Variants in SLC39A9 observed in about 807,000 individuals in gnomAD.
SLC39A9 encodes the protein zinc transporter ZIP9.
SLC39A9 carries 14 observed loss-of-function variants against 28.4 expected under a neutral mutation model. That is an observed-to-expected ratio of 0.49 (90% CI 0.33 to 0.77). The LOEUF (loss-of-function observed/expected upper bound fraction) is 0.77, where lower values mean the gene tolerates loss of function less well. Ranked by LOEUF, SLC39A9 falls within the 30% of genes least tolerant of loss-of-function variation. SLC39A9 has a pLI of 0.02. For missense variants in SLC39A9, 283 were observed against 381.1 expected (o/e 0.74, Z 2.14); for synonymous variants, 119 against 149.6 (o/e 0.80, Z 1.49).
chr14:69,433,134 A>G (rs1260967743), intron 2 of SLC39A9, among the ~76,000 whole-genome samples: 1 of 152,144 alleles, frequency 6.6e-6, no homozygotes, highest in African/African-American at 2.4e-5. Flanking sequence ...TGGCCATTTT[A>G]ATGATATAAG....
rs529828475 is a variant in SLC39A9 at position 69,462,122 on chromosome 14, C to T, written c.*3529C>T. 17 of 161,362 alleles carry T rather than the reference C, an allele frequency of 1.1e-4. No homozygotes were observed. The highest frequency in any genetic ancestry group is 2.9e-3 in the Middle Eastern group (1 of 350). 10.0% of individuals were successfully genotyped at this position (161,362 alleles called of 1,614,324 possible). A position where few individuals can be genotyped will look rare whatever the true frequency, so the allele number is the denominator to read the frequency against. On this transcript the variant is annotated 3_prime_UTR_variant, in exon 7 of 7. Transcript: ENST00000336643. ...AATTCTCTAGATATACTCAGCCTAA[C>T]CCAGTGGCTTAACACAAGGAGATTG...
intron 1 of SLC39A9, among the ~76,000 whole-genome samples, chr14:69,406,060 T>C (rs1443888117): frequency 6.6e-6 from 1 of 152,154 alleles, no homozygotes; most frequent in African/African-American, 2.4e-5. Flanking sequence ...AATGTTGCCT[T>C]TCCTAATGAA....
chr14:69,420,492 C>T lies in SLC39A9; in HGVS notation c.97-3602C>T, dbSNP rs931705746. On this transcript the variant is annotated intron_variant, in intron 1 of 6. Coordinates refer to ENST00000336643, the MANE Select transcript of SLC39A9 (RefSeq NM_018375.5). The stretch of plus-strand genomic sequence containing the variant: ...TTATGTGTCCTGGGGTTGCTCTTCT[C>T]GAGGAGTATCTTTGTGGTATTCTCT... Among the ~76,000 whole-genome samples the T allele has an allele frequency of 2.6e-5, 4 of 152,060 alleles. No individual in the cohort carries two copies. In the East Asian group the frequency reaches 5.8e-4, roughly 22 times the overall value.
rs181727497 is a variant in SLC39A9, at chr14:69,461,527, A to G, written c.*2934A>G. ...CCCGCTTTCACCTCTTTCTTTCCCAATTCAAAACAGCCAAGTGAGCCCTGT... is the reference window on the plus strand; with the variant it reads ...CCCGCTTTCACCTCTTTCTTTCCCAGTTCAAAACAGCCAAGTGAGCCCTGT... On this transcript the variant is annotated 3_prime_UTR_variant, in exon 7 of 7. Coordinates refer to ENST00000336643, the MANE Select transcript of SLC39A9 (RefSeq NM_018375.5). The G allele has an allele frequency of 2.2e-5, 32 of 1,446,856 alleles. No homozygotes were observed. In the African/African-American group the frequency reaches 3.6e-4, roughly 16 times the overall value. The allele number at this position is 1,446,856 out of a possible 1,614,324, so 89.6% of individuals were successfully genotyped here.
chr14:69,416,847 A>G (rs932554889), intron 1 of SLC39A9, among the ~76,000 whole-genome samples: 4 of 152,064 alleles, frequency 2.6e-5, no homozygotes, highest in Non-Finnish European at 5.9e-5. Context: ...AATTTGTTTA[A>G]GTTCTTTGTA....
intron 3 of SLC39A9, among the ~76,000 whole-genome samples, chr14:69,442,822 A>T (rs896055407): frequency 2.0e-5 from 3 of 152,222 alleles, no homozygotes; most frequent in African/African-American, 7.2e-5. Context: ...TAAGAACATT[A>T]AATTATGAGG....
At position 69,453,800 on chromosome 14, in the gene SLC39A9, T is replaced by C. The variant is rs140504744; in HGVS notation, c.472+491T>C. Among the ~76,000 whole-genome samples the C allele has an allele frequency of 3.3e-4, 50 of 152,336 alleles. No individual in the cohort carries two copies. In the East Asian group the frequency reaches 6.0e-3, roughly 18 times the overall value. On this transcript the variant is annotated intron_variant, in intron 4 of 6. Transcript: ENST00000336643. Reference sequence around the variant, plus strand: ...AAGTTGCAGGAGGCTGAGGAAGAGATAGACAATGACAATGATCCATCTCTT... The same window carrying C: ...AAGTTGCAGGAGGCTGAGGAAGAGACAGACAATGACAATGATCCATCTCTT...
At chr14:69,406,853 T>TTG (rs1293835195) in intron 1 of SLC39A9, among the ~76,000 whole-genome samples, 3 of 135,802 alleles carry the variant, frequency 2.2e-5, no homozygotes, top group Non-Finnish European at 3.2e-5. Flanking sequence ...TCTTTGTTTT[T>TTG]TTTTTTTTTT....
At chr14:69,454,938 T>C in intron 5 of SLC39A9, 41 bp downstream of exon 5, 1 of 1,483,196 alleles carries the variant, frequency 6.7e-7, no homozygotes, top group Non-Finnish European at 9.3e-7. Flanking sequence ...TTGAGTGTAT[T>C]CATAATTAAA....
At chr14:69,412,767 G>T (rs1341775713) in intron 1 of SLC39A9, among the ~76,000 whole-genome samples, 1 of 152,118 alleles carries the variant, frequency 6.6e-6, no homozygotes, top group Non-Finnish European at 1.5e-5. Context: ...GTGGGGAAGG[G>T]GTTACAGGGA....
At chr14:69,447,786 G>A (rs896221859) in intron 3 of SLC39A9, among the ~76,000 whole-genome samples, 4 of 151,768 alleles carry the variant, frequency 2.6e-5, no homozygotes, top group Admixed American at 1.3e-4. Context: ...GGTGACCTGC[G>A]CTTGTACTCC....
At chr14:69,445,181 A>G (rs1318712521) in intron 3 of SLC39A9, among the ~76,000 whole-genome samples, 2 of 152,140 alleles carry the variant, frequency 1.3e-5, no homozygotes, top group East Asian at 1.9e-4. Context: ...GAGTCCATTT[A>G]TACATGGATT....
chr14:69,456,293 A>G (rs1262198614), intron 6 of SLC39A9, among the ~76,000 whole-genome samples: 4 of 152,234 alleles, frequency 2.6e-5, no homozygotes, highest in African/African-American at 9.6e-5. Flanking sequence ...AAGAGTTTAA[A>G]AAACTGACAT....
chr14:69,422,695 C>T (rs1209442168), intron 1 of SLC39A9, among the ~76,000 whole-genome samples: 1 of 152,228 alleles, frequency 6.6e-6, no homozygotes, highest in Non-Finnish European at 1.5e-5. Context: ...AGTGATTCTC[C>T]TGTCTCAGAC....
intron 6 of SLC39A9, among the ~76,000 whole-genome samples, chr14:69,457,605 A>C (rs115155472): frequency 2.0e-3 from 301 of 152,376 alleles, no homozygotes; most frequent in African/African-American, 6.8e-3. Context: ...GATGCTTGTT[A>C]AATATTAGTA....
chr14:69,460,244 T>C lies in SLC39A9; in HGVS notation c.*1651T>C, dbSNP rs1002783873. On this transcript the variant is annotated 3_prime_UTR_variant, in exon 7 of 7. Transcript: ENST00000336643. ...GACGCATAAGCTAGCATGCCTATGA[T>C]TTATTTCCTTCATGAATTTGTCACT... 1.0e-6 allele frequency: 1 copy of C among 985,762 alleles called. No homozygotes were observed. Among genetic ancestry groups the C allele is most frequent in the Non-Finnish European group, 1.2e-6 (1 of 829,952 alleles). 61.1% of individuals were successfully genotyped at this position (985,762 alleles called of 1,614,324 possible).
At chr14:69,439,949 G>A (rs989759844) in intron 2 of SLC39A9, among the ~76,000 whole-genome samples, 21 of 152,222 alleles carry the variant, frequency 1.4e-4, no homozygotes, top group East Asian at 3.9e-4. Context: ...CCCTGAAGCC[G>A]GGGTAATTTA....
intron 2 of SLC39A9, among the ~76,000 whole-genome samples, chr14:69,441,133 G>C (rs1885030204): frequency 6.6e-6 from 1 of 152,066 alleles, no homozygotes; most frequent in African/African-American, 2.4e-5. Context: ...TTTCAAATTA[G>C]CTGGTTATGG....
rs546566936 is a variant in SLC39A9 at position 69,460,268 on chromosome 14, C to T, written c.*1675C>T. 104 of 985,794 alleles carry T rather than the reference C, an allele frequency of 1.1e-4. 1 individual carries two copies. In the African/African-American group the frequency reaches 1.7e-3, roughly 17 times the overall value. 61.1% of individuals were successfully genotyped at this position (985,794 alleles called of 1,614,324 possible). A position where few individuals can be genotyped will look rare whatever the true frequency, so the allele number is the denominator to read the frequency against. On this transcript the variant is annotated 3_prime_UTR_variant, in exon 7 of 7. Transcript: ENST00000336643. ...ATTTATTTCCTTCATGAATTTGTCA[C>T]TGGATCAGCAGCTGTGGAAATAAAG...
Sources: allele counts gnomAD v4.1 joint callset (sites outside exome capture counted in the v4.1 genomes callset), GRCh38; gene constraint gnomAD v4.1.1; transcripts MANE v1.5; gene names NCBI Gene and HGNC (gene_info 2026-07-23, HGNC 2026-07-21).